CAPN3: variants seen among roughly 807,000 people sequenced by gnomAD.
CAPN3 encodes the protein calpain-3.
Under a neutral mutation model 114.0 loss-of-function variants are expected in CAPN3, and 88 were observed. The observed-to-expected ratio is 0.77, with a 90% CI of 0.65 to 0.92. The LOEUF (loss-of-function observed/expected upper bound fraction) is 0.92, where lower values mean the gene tolerates loss of function less well. CAPN3 is among the 40% of genes least tolerant of loss of function. The pLI is 0.00. For missense variants in CAPN3, 1,028 were observed against 1,069.0 expected, an observed-to-expected ratio of 0.96 and a Z score of 0.53; for synonymous variants, 386 against 382.9, an observed-to-expected ratio of 1.01 and a Z score of -0.09.
intron 9 of CAPN3, among the ~76,000 whole-genome samples, chr15:42,397,340 C>T (rs1437459115): frequency 1.3e-5 from 2 of 152,174 alleles, no homozygotes; most frequent in Non-Finnish European, 2.9e-5. Context: ...ATGCTCATCA[C>T]CCTTAAAATT....
At chr15:42,383,135 C>T (rs1362297975) in intron 1 of CAPN3, among the ~76,000 whole-genome samples, 1 of 152,160 alleles carries the variant, frequency 6.6e-6, no homozygotes, top group Admixed American at 6.5e-5. Flanking sequence ...CAAGACTTTC[C>T]ATCTACTAGG....
chr15:42,382,680 T>A (rs904241432), intron 1 of CAPN3, among the ~76,000 whole-genome samples: 2 of 152,314 alleles, frequency 1.3e-5, no homozygotes, highest in African/African-American at 4.8e-5. Flanking sequence ...ATATTATTAT[T>A]TCTTATGGTT....
intron 1 of CAPN3, among the ~76,000 whole-genome samples, chr15:42,362,476 C>G (rs1566966880): frequency 6.6e-6 from 1 of 152,092 alleles, no homozygotes. Flanking sequence ...GTGCCCCCAC[C>G]ACCACCATCA....
intron 1 of CAPN3, among the ~76,000 whole-genome samples, chr15:42,375,352 C>T (rs537164125): frequency 6.6e-6 from 1 of 152,114 alleles, no homozygotes; most frequent in African/African-American, 2.4e-5. Context: ...CAGAAAGGTC[C>T]GTGCTGAGCA....
chr15:42,359,607 T>A lies in CAPN3; in HGVS notation c.-199T>A, dbSNP rs1230835129. The A allele has an allele frequency of 6.3e-6, 9 of 1,429,604 alleles. No individual in the cohort carries two copies. The highest frequency in any genetic ancestry group is 6.4e-6 in the Non-Finnish European group (7 of 1,096,838). The allele number at this position is 1,429,604 out of a possible 1,614,324, so 88.6% of individuals were successfully genotyped here. On this transcript the variant is annotated 5_prime_UTR_variant, in exon 1 of 24. Transcript: ENST00000397163. ...CTCATTTCTCAGGAGAACTTATGGC[T>A]TCAGAATCACAGCTCGGTTTTTAAG... is the stretch of plus-strand genomic sequence containing the variant.
chr15:42,372,527 CT>C (rs1230674113), intron 1 of CAPN3, among the ~76,000 whole-genome samples: 2 of 150,942 alleles, frequency 1.3e-5, no homozygotes, highest in Admixed American at 1.3e-4. Context: ...ACAAAAGTCA[CT>C]TTTTTTGTTG....
chr15:42,375,926 T>A (rs2053078536), intron 1 of CAPN3, among the ~76,000 whole-genome samples: 1 of 152,202 alleles, frequency 6.6e-6, no homozygotes, highest in South Asian at 2.1e-4. Context: ...CTCCTTAGCC[T>A]TCTCTTGGCT....
rs192483844 is a variant in CAPN3, at chr15:42,373,882, G to A, written c.310-10601G>A. ...CTGTATAGGATTAGTATATCAGAAGGCCCCATGCTATAGCCCTTTGATCAC... is the reference window on the plus strand; with the variant it reads ...CTGTATAGGATTAGTATATCAGAAGACCCCATGCTATAGCCCTTTGATCAC... On this transcript the variant is annotated intron_variant, in intron 1 of 23. Transcript: ENST00000397163. Among the ~76,000 whole-genome samples, 10 of 152,254 alleles carry A rather than the reference G, an allele frequency of 6.6e-5. No homozygotes were observed. In the East Asian group the frequency reaches 1.5e-3, roughly 24 times the overall value.
intron 1 of CAPN3, among the ~76,000 whole-genome samples, chr15:42,363,876 G>C (rs1393607654): frequency 6.6e-6 from 1 of 152,216 alleles, no homozygotes; most frequent in Non-Finnish European, 1.5e-5. Context: ...AGTGAGGGTT[G>C]GAGCTGGGAT....
intron 6 of CAPN3, among the ~76,000 whole-genome samples, chr15:42,391,614 G>T (rs779603083): frequency 2.6e-5 from 4 of 152,176 alleles, no homozygotes; most frequent in Non-Finnish European, 5.9e-5. Context: ...AAGCTGTTAC[G>T]TTAGTAGGCA....
chr15:42,360,200 A>T, intron 1 of CAPN3, 86 bp downstream of exon 1: 1 of 1,426,466 alleles, frequency 7.0e-7, no homozygotes, highest in Non-Finnish European at 9.9e-7. Context: ...AGCTGTGCAC[A>T]TGGGCACTGG....
At chr15:42,411,229 C>A in intron 22 of CAPN3, 58 bp from the exon 23 acceptor site, 1 of 1,419,714 alleles carries the variant, frequency 7.0e-7, no homozygotes, top group Non-Finnish European at 1.0e-6. Context: ...GGGGAAGTTA[C>A]AGTAGTAGAG....
intron 13 of CAPN3, among the ~76,000 whole-genome samples, chr15:42,403,346 G>T (rs550180554): frequency 6.6e-6 from 1 of 152,302 alleles, no homozygotes; most frequent in Admixed American, 6.5e-5. Context: ...CAAAAATAAA[G>T]TAGGGAAGAG....
intron 1 of CAPN3, among the ~76,000 whole-genome samples, chr15:42,367,375 C>G (rs2141118365): frequency 6.6e-6 from 1 of 152,290 alleles, no homozygotes; most frequent in South Asian, 2.1e-4. Context: ...AGACAATTCA[C>G]AAGGAAGCCT....
chr15:42,376,984 A>G (rs1014271704), intron 1 of CAPN3, among the ~76,000 whole-genome samples: 7 of 152,238 alleles, frequency 4.6e-5, no homozygotes, highest in Admixed American at 4.6e-4. Flanking sequence ...GCTGGTATAT[A>G]GAAAACTAAT....
intron 15 of CAPN3, among the ~76,000 whole-genome samples, chr15:42,406,156 C>CT (rs762097029): frequency 1.6e-4 from 24 of 152,294 alleles, no homozygotes; most frequent in Non-Finnish European, 2.9e-4. Flanking sequence ...CTTTTAGGTG[C>CT]TTTCCATGAT....
rs371367772 is a variant in CAPN3, at chr15:42,410,652, C to T, written c.2249C>T (p.Ala750Val). 5.1e-5 allele frequency: 83 copies of T among 1,613,506 alleles called. No individual in the cohort carries two copies. Among genetic ancestry groups the T allele is most frequent in the Non-Finnish European group, 6.6e-5 (78 of 1,179,764 alleles). Reference sequence around the variant, plus strand: ...ATCAACAGCTACGAGATGCGAAATGCAGTCAACGACGCAGGTGCTGAGAAG... The same window carrying T: ...ATCAACAGCTACGAGATGCGAAATGTAGTCAACGACGCAGGTGCTGAGAAG... ...GTINSYEMRN[A>V]VNDAGFHLNN... Residue 750 changes from alanine (A) to valine (V), a missense_variant, in exon 21 of 24, where the codon GCA becomes GTA. Transcript: ENST00000397163.
chr15:42,389,974 G>A lies in CAPN3; in HGVS notation c.823G>A (p.Gly275Arg), dbSNP rs1289930576. Residue 275 changes from glycine to arginine, a missense_variant, in exon 6 of 24, where the codon GGA becomes AGA. By Grantham distance (125) the Gly-to-Arg change is moderately radical. Transcript: ENST00000397163. ...TCAGGATGGCACGAACATGACCTATGGAACCTCTCCTTCTGGTCTGAACAT... is the reference window on the plus strand; with the variant it reads ...TCAGGATGGCACGAACATGACCTATAGAACCTCTCCTTCTGGTCTGAACAT... ...SIDDGTNMTY[G>R]TSPSGLNMGE... is the part of the protein sequence containing the mutation. The A allele has an allele frequency of 6.2e-7, 1 of 1,614,026 alleles. No individual in the cohort carries two copies. The highest frequency in any genetic ancestry group is 1.1e-5 in the South Asian group (1 of 91,066).
intron 1 of CAPN3, among the ~76,000 whole-genome samples, chr15:42,365,345 C>T (rs1020435168): frequency 8.5e-5 from 13 of 152,278 alleles, no homozygotes; most frequent in South Asian, 6.2e-4. Flanking sequence ...ACAGCCACCT[C>T]CAGCTTAACC....
Sources: gnomAD v4.1 joint callset for allele counts (sites outside exome capture counted in the v4.1 genomes callset) on GRCh38, gnomAD v4.1.1 for gene constraint, MANE v1.5 for transcripts, NCBI Gene and HGNC (gene_info 2026-07-23, HGNC 2026-07-21) for gene names.